TGFB1: variants seen among roughly 807,000 people sequenced by gnomAD.
The protein encoded by TGFB1 is transforming growth factor beta-1 proprotein.
In TGFB1, 19 loss-of-function variants were observed where a neutral mutation model predicts 43.8. That is an observed-to-expected ratio of 0.43 (90% CI 0.30 to 0.64). TGFB1 has a LOEUF of 0.64. TGFB1 is among the 30% of genes least tolerant of loss of function. TGFB1 has a pLI of 0.11. For missense variants in TGFB1, 445 were observed against 529.8 expected (o/e 0.84, Z 1.57); for synonymous variants, 221 against 236.3 (o/e 0.94, Z 0.60).
intron 1 of TGFB1, among the ~76,000 whole-genome samples, chr19:41,348,756 T>C (rs1221633437): frequency 6.6e-6 from 1 of 151,900 alleles, no homozygotes; most frequent in African/African-American, 2.4e-5. Context: ...CCCGAGCAGC[T>C]GGGACTAAAG....
rs79225164 is a variant in TGFB1, at chr19:41,340,012, A to G, written c.860+1871T>C. 2.4e-3 allele frequency among the ~76,000 whole-genome samples: 365 copies of G among 152,232 alleles called. 1 individual carries two copies. Among genetic ancestry groups the G allele is most frequent in the African/African-American group, 8.4e-3 (348 of 41,552 alleles). On this transcript the variant is annotated intron_variant, in intron 5 of 6. Coordinates refer to ENST00000221930, the MANE Select transcript of TGFB1 (RefSeq NM_000660.7). ...CAGATGATCACTCTAAATTTACAAC[A>G]TTCTAACTCTCCATTTCAACTTTCT... is the stretch of plus-strand genomic sequence containing the variant.
chr19:41,343,781 G>A (rs1437144855), intron 3 of TGFB1, among the ~76,000 whole-genome samples: 1 of 152,128 alleles, frequency 6.6e-6, no homozygotes, highest in Non-Finnish European at 1.5e-5. Flanking sequence ...CCAGCACATG[G>A]CCAGGCACAC....
At chr19:41,351,621 G>A (rs996192639) in intron 1 of TGFB1, among the ~76,000 whole-genome samples, 3 of 152,188 alleles carry the variant, frequency 2.0e-5, no homozygotes, top group Non-Finnish European at 4.4e-5. Flanking sequence ...GTTTAGCGCA[G>A]CGGGGTCCTC....
chr19:41,341,427 A>G (rs918058422), intron 5 of TGFB1, among the ~76,000 whole-genome samples: 2 of 131,832 alleles, frequency 1.5e-5, no homozygotes, highest in African/African-American at 2.8e-5. Flanking sequence ...AGATAGCGCC[A>G]CTGCACTCCA....
At position 41,338,505 on chromosome 19, in the gene TGFB1, A is replaced by C. The variant is rs797002212; in HGVS notation, c.860+3378T>G. Among the ~76,000 whole-genome samples, 31 of 151,496 alleles carry C rather than the reference A, an allele frequency of 2.0e-4. 1 individual carries two copies. The highest frequency in any genetic ancestry group is 5.8e-4 in the African/African-American group (24 of 41,382). Reference sequence around the variant, plus strand: ...CAGCGAAACTCCGTCTCAAAAAAAAAAAAAGGGGATATAGGACATAATACA... The same window carrying C: ...CAGCGAAACTCCGTCTCAAAAAAAACAAAAGGGGATATAGGACATAATACA... On this transcript the variant is annotated intron_variant, in intron 5 of 6. Coordinates refer to ENST00000221930, the MANE Select transcript of TGFB1 (RefSeq NM_000660.7).
intron 2 of TGFB1, among the ~76,000 whole-genome samples, chr19:41,347,037 A>T (rs531520387): frequency 2.7e-5 from 4 of 146,250 alleles, no homozygotes; most frequent in African/African-American, 7.7e-5. Context: ...ATATATATAT[A>T]TTTTTGAGAC....
intron 5 of TGFB1, among the ~76,000 whole-genome samples, chr19:41,336,570 T>C (rs955119586): frequency 4.6e-5 from 7 of 150,976 alleles, no homozygotes; most frequent in Non-Finnish European, 8.9e-5. Context: ...ATTTTTTTTT[T>C]TGGGAGATGG....
chr19:41,337,082 CA>C, intron 5 of TGFB1, among the ~76,000 whole-genome samples: 2 of 151,926 alleles, frequency 1.3e-5, no homozygotes, highest in Middle Eastern at 6.8e-3. Flanking sequence ...CTCAGTCTCC[CA>C]AGTAGCTAAG....
At chr19:41,331,432 T>G (rs763426225) in intron 6 of TGFB1, among the ~76,000 whole-genome samples, 1 of 152,130 alleles carries the variant, frequency 6.6e-6, no homozygotes, top group Non-Finnish European at 1.5e-5. Context: ...AGACTGGGTC[T>G]CGCTCTGCCA....
At chr19:41,352,617 C>A in intron 1 of TGFB1, 73 bp downstream of exon 1, 1 of 1,553,772 alleles carries the variant, frequency 6.4e-7, no homozygotes. Context: ...CCAGTCACTT[C>A]CTACCCGTGG....
At chr19:41,352,496 G>A (rs1390018595) in intron 1 of TGFB1, among the ~76,000 whole-genome samples, 194 bp downstream of exon 1, 1 of 152,022 alleles carries the variant, frequency 6.6e-6, no homozygotes, top group African/African-American at 2.4e-5. Flanking sequence ...TCCAAGACCA[G>A]ACACCTGGGT....
rs2123118452 is a variant in TGFB1 at position 41,352,896 on chromosome 19, C to A, written c.149G>T (p.Arg50Leu). 1 of 1,560,722 alleles carries A rather than the reference C, an allele frequency of 6.4e-7. No homozygotes were observed. Among genetic ancestry groups the A allele is most frequent in the South Asian group, 1.2e-5 (1 of 85,974 alleles). ...LVKRKRIEAI[R>L]GQILSKLRLA... is the part of the protein sequence containing the mutation. ...CCGCAGCTTGGACAGGATCTGGCCG[C>A]GGATGGCCTCGATGCGCTTCCGCTT... Residue 50 changes from arginine to leucine, a missense_variant, in exon 1 of 7, where the codon CGC becomes CTC. Transcript: ENST00000221930.
intron 1 of TGFB1, 123 bp from the exon 2 acceptor site, chr19:41,348,578 T>C (rs1311721109): frequency 2.7e-5 from 2 of 73,896 alleles, no homozygotes; most frequent in Middle Eastern, 8.9e-3. Flanking sequence ...TGATACCTTT[T>C]ATTTATTTAT....
chr19:41,330,849 TG>T lies in TGFB1; in HGVS notation c.*202del. The stretch of plus-strand genomic sequence containing the variant: ...GAGGCAGAGAGGGAGAGAGAGGGAG[TG>T]GGAGTGGGGGAACGTCAGGGATGGA... On this transcript the variant is annotated 3_prime_UTR_variant, in exon 7 of 7. Transcript: ENST00000221930. The T allele has an allele frequency of 2.0e-6, 1 of 497,738 alleles. No homozygotes were observed. The highest frequency in any genetic ancestry group is 3.5e-6 in the Non-Finnish European group (1 of 282,254). The allele number at this position is 497,738 out of a possible 1,614,324, so 30.8% of individuals were successfully genotyped here.
chr19:41,346,490 T>C (rs1489710135), intron 2 of TGFB1, among the ~76,000 whole-genome samples: 1 of 152,166 alleles, frequency 6.6e-6, no homozygotes, highest in African/African-American at 2.4e-5. Context: ...GTCTGAAATC[T>C]ACCATCCTAT....
intron 5 of TGFB1, among the ~76,000 whole-genome samples, chr19:41,334,375 T>TGAAAAGAAAAGAAAAAAGAAA (rs2037966686): frequency 3.3e-5 from 5 of 150,030 alleles, no homozygotes; most frequent in African/African-American, 7.4e-5. Context: ...GACTCTGTCT[T>TGAAAAGAAAAGAAAAAAGAAA]GAAAAGAAAA....
intron 2 of TGFB1, 147 bp downstream of exon 2, chr19:41,348,148 G>A (rs1171516095): frequency 1.4e-5 from 11 of 808,092 alleles, no homozygotes; most frequent in East Asian, 5.3e-5. Context: ...AAAAAAAAGC[G>A]TTCTAGGATT....
intron 3 of TGFB1, among the ~76,000 whole-genome samples, chr19:41,344,485 A>G (rs970408214): frequency 9.9e-5 from 15 of 152,148 alleles, no homozygotes; most frequent in African/African-American, 3.1e-4. Context: ...CCAATGGACT[A>G]TATGAGCTCT....
At chr19:41,342,393 T>C (rs1256554150) in intron 3 of TGFB1, 146 bp from the exon 4 acceptor site, 9 of 72,486 alleles carry the variant, frequency 1.2e-4, no homozygotes, top group Admixed American at 5.5e-4. Flanking sequence ...GCTCTCTCTT[T>C]TTTTTTTTTT....
Sources: gnomAD v4.1 joint callset for allele counts (sites outside exome capture counted in the v4.1 genomes callset) on GRCh38, gnomAD v4.1.1 for gene constraint, MANE v1.5 for transcripts, NCBI Gene and HGNC (gene_info 2026-07-23, HGNC 2026-07-21) for gene names.